ATG3: variants seen among roughly 807,000 people sequenced by gnomAD.
ATG3 encodes autophagy related 3.
In ATG3, 25 loss-of-function variants were observed where a neutral mutation model predicts 50.7. The observed-to-expected ratio is 0.49, with a 90% CI of 0.36 to 0.69. The LOEUF is 0.69. Among genes scored for constraint, ATG3 ranks in the 30% least tolerant of loss-of-function variants. ATG3 has a pLI of 0.00. For synonymous variants in ATG3, 119 were observed against 125.5 expected (o/e 0.95, Z 0.34); for missense variants, 281 against 376.0 (o/e 0.75, Z 2.09).
rs571889712 is a variant in ATG3 at position 112,549,319 on chromosome 3, C to A, written c.236-679G>T. Among the ~76,000 whole-genome samples the A allele has an allele frequency of 4.3e-4, 66 of 151,954 alleles. 1 individual carries two copies. The South Asian group carries it at 0.01, about 24-fold the overall frequency. On this transcript the variant is annotated intron_variant, in intron 4 of 11. Transcript: ENST00000283290. Reference sequence around the variant, plus strand: ...TTTTAATCTCCTGATTTTTTTAAAACAATCAGGATATAAATTATCAGCCTT... The same window carrying A: ...TTTTAATCTCCTGATTTTTTTAAAAAAATCAGGATATAAATTATCAGCCTT...
rs747708614 is a variant in ATG3, at chr3:112,561,513, T to C, written c.16A>G (p.Asn6Asp). MQNVINTVKGKALEVA... is the reference protein window; with the variant it reads MQNVIDTVKGKALEVA... The stretch of plus-strand genomic sequence containing the variant: ...TCCAGTGCCTTTCCCTTCACAGTAT[T>C]AATCACATTCTGCATCCTGGGGCCG... Residue 6 changes from asparagine to aspartate, a missense_variant, in exon 1 of 12, where the codon AAT (asparagine) becomes GAT (aspartate). By Grantham distance (23) the Asn-to-Asp change is conservative. Around this residue, in one of 3 missense-constraint regions of ATG3, gnomAD observed 22 missense variants for 22.7 expected, o/e 0.97. Coordinates refer to ENST00000283290, the MANE Select transcript of ATG3 (RefSeq NM_022488.5). The C allele has an allele frequency of 6.3e-7, 1 of 1,583,558 alleles. No homozygotes were observed. Among genetic ancestry groups the C allele is most frequent in the Non-Finnish European group, 8.6e-7 (1 of 1,162,036 alleles).
chr3:112,537,776 A>G lies in ATG3; in HGVS notation c.625T>C (p.Tyr209His), dbSNP rs1181315133. 1.2e-6 allele frequency: 2 copies of G among 1,606,538 alleles called. No homozygotes were observed. The highest frequency in any genetic ancestry group is 1.3e-5 in the African/African-American group (1 of 74,700). ...TYDLYITYDK[Y>H]YQTPRLWLFG... Reference sequence around the variant, plus strand: ...AACCATAATCGTGGAGTCTGGTAATATTTATCATAAGTGATGTAAAGGTCA... The same window carrying G: ...AACCATAATCGTGGAGTCTGGTAATGTTTATCATAAGTGATGTAAAGGTCA... Residue 209 changes from tyrosine (Y) to histidine (H), a missense_variant, in exon 9 of 12, where the codon TAT becomes CAT. Transcript: ENST00000283290.
At chr3:112,556,422 C>T (rs868650351) in intron 2 of ATG3, among the ~76,000 whole-genome samples, 112 of 136,772 alleles carry the variant, frequency 8.2e-4, no homozygotes, top group Non-Finnish European at 1.2e-3. Flanking sequence ...GCCCCCCGCC[C>T]GGCCAGCCGC....
At chr3:112,553,518 G>T (rs1369513719) in intron 2 of ATG3, among the ~76,000 whole-genome samples, 189 bp from the exon 3 acceptor site, 1 of 152,056 alleles carries the variant, frequency 6.6e-6, no homozygotes, top group East Asian at 1.9e-4. Flanking sequence ...TGACTAAACT[G>T]CAATGTTTTC....
chr3:112,537,693 TTTAAAATATTGATA>T (rs1933107776), intron 9 of ATG3, 28 bp downstream of exon 9: 1 of 1,430,662 alleles, frequency 7.0e-7, no homozygotes, highest in Non-Finnish European at 9.3e-7. Context: ...AACCCAACAA[TTTAAAATATTGATA>T]TTAAAATATA....
intron 7 of ATG3, among the ~76,000 whole-genome samples, chr3:112,540,715 G>GTCCA (rs1212608003): frequency 6.6e-6 from 1 of 151,300 alleles, no homozygotes; most frequent in Non-Finnish European, 1.5e-5. Context: ...AGAAGAAAGA[G>GTCCA]TCCAGGAAAG....
At chr3:112,561,292 A>G (rs929873107) in intron 1 of ATG3, among the ~76,000 whole-genome samples, 165 bp downstream of exon 1, 14 of 152,168 alleles carry the variant, frequency 9.2e-5, no homozygotes, top group African/African-American at 3.1e-4. Context: ...CCTAACGAAC[A>G]GCCGGTTAAG....
chr3:112,540,464 C>G (rs1310464483), intron 7 of ATG3, among the ~76,000 whole-genome samples: 2 of 152,114 alleles, frequency 1.3e-5, no homozygotes, highest in African/African-American at 4.8e-5. Flanking sequence ...TTTCCAACTT[C>G]TTACACATGC....
At chr3:112,542,781 G>C (rs1933265872) in intron 6 of ATG3, among the ~76,000 whole-genome samples, 1 of 151,962 alleles carries the variant, frequency 6.6e-6, no homozygotes, top group African/African-American at 2.4e-5. Context: ...TGGATGGCAA[G>C]TATTCTAAGT....
At chr3:112,556,459 T>C (rs1293890398) in intron 2 of ATG3, among the ~76,000 whole-genome samples, 2 of 152,044 alleles carry the variant, frequency 1.3e-5, no homozygotes, top group African/African-American at 4.8e-5. Flanking sequence ...GGGGCACCTC[T>C]GCCCGGCCGC....
At chr3:112,542,149 T>A (rs1576717606) in intron 6 of ATG3, among the ~76,000 whole-genome samples, 1 of 152,274 alleles carries the variant, frequency 6.6e-6, no homozygotes, top group South Asian at 2.1e-4. Context: ...TAATTGCCAG[T>A]TGCACTTCCA....
intron 2 of ATG3, among the ~76,000 whole-genome samples, 194 bp from the exon 3 acceptor site, chr3:112,553,523 G>A (rs1043687197): frequency 1.3e-5 from 2 of 152,142 alleles, no homozygotes; most frequent in Non-Finnish European, 2.9e-5. Flanking sequence ...AAACTGCAAT[G>A]TTTTCTAATG....
intron 11 of ATG3, 58 bp downstream of exon 11, chr3:112,534,211 C>CAAA (rs35560667): frequency 2.6e-5 from 33 of 1,258,056 alleles, no homozygotes; most frequent in Admixed American, 8.6e-5. Context: ...CTAAATTTCT[C>CAAA]AAAAAAAAAA....
At chr3:112,556,430 C>T (rs1933684286) in intron 2 of ATG3, among the ~76,000 whole-genome samples, 1 of 151,768 alleles carries the variant, frequency 6.6e-6, no homozygotes, top group South Asian at 2.1e-4. Flanking sequence ...CCCGGCCAGC[C>T]GCCCCGTCCG....
At chr3:112,561,069 T>C (rs72940078) in intron 1 of ATG3, among the ~76,000 whole-genome samples, 1 of 152,206 alleles carries the variant, frequency 6.6e-6, no homozygotes, top group African/African-American at 2.4e-5. Flanking sequence ...TTGACCTCTG[T>C]GTGTCAAACA....
chr3:112,541,987 G>A, intron 6 of ATG3, 103 bp from the exon 7 acceptor site: 2 of 815,502 alleles, frequency 2.5e-6, no homozygotes, highest in Admixed American at 2.7e-5. Flanking sequence ...AAATAAGAAT[G>A]ACAAGGCAGT....
intron 6 of ATG3, among the ~76,000 whole-genome samples, chr3:112,543,215 T>TCTA (rs1933281173): frequency 6.6e-6 from 1 of 152,098 alleles, no homozygotes; most frequent in Admixed American, 6.5e-5. Context: ...ATTCAAATAG[T>TCTA]CTATCCTCTA....
rs1559844896 is a variant in ATG3, at chr3:112,544,111, G to A, written c.344-5C>T. ...CTTCCGTTATTCCTGTAATACCTAT[G>A]TAAAATTCGGCAGAAAAGAATAACT... On this transcript the variant is annotated splice_region_variant and splice_polypyrimidine_tract_variant and intron_variant, in intron 5 of 11. Transcript: ENST00000283290. 1.3e-6 allele frequency: 2 copies of A among 1,596,330 alleles called. No homozygotes were observed. The highest frequency in any genetic ancestry group is 1.7e-6 in the Non-Finnish European group (2 of 1,164,874).
chr3:112,558,977 G>A (rs1231987241), intron 1 of ATG3, among the ~76,000 whole-genome samples: 1 of 152,158 alleles, frequency 6.6e-6, no homozygotes, highest in Non-Finnish European at 1.5e-5. Context: ...GACCTCAGGT[G>A]ATCCACCCGC....
Sources: allele counts gnomAD v4.1 joint callset (sites outside exome capture counted in the v4.1 genomes callset), GRCh38; gene constraint gnomAD v4.1.1; regional missense constraint gnomAD v4.1.1; transcripts MANE v1.5; gene names NCBI Gene and HGNC (gene_info 2026-07-23, HGNC 2026-07-21).